BTN3A1: variants seen among roughly 807,000 people sequenced by gnomAD.
The protein encoded by BTN3A1 is dJ45P21.3 (butyrophilin, subfamily 3, member A1).
Under a neutral mutation model 43.0 loss-of-function variants are expected in BTN3A1, and 24 were observed. The ratio of observed to expected loss-of-function variants is 0.56; its 90% CI spans 0.40 to 0.78. The LOEUF (loss-of-function observed/expected upper bound fraction) is 0.78. BTN3A1 is among the 30% of genes least tolerant of loss of function. BTN3A1 has a pLI of 0.00. For missense variants in BTN3A1, 533 were observed against 626.2 expected, an observed-to-expected ratio of 0.85 and a Z score of 1.59; for synonymous variants, 181 against 234.7, an observed-to-expected ratio of 0.77 and a Z score of 2.09.
intron 7 of BTN3A1, among the ~76,000 whole-genome samples, chr6:26,410,541 G>A (rs1762173691): frequency 6.6e-6 from 1 of 152,050 alleles, no homozygotes; most frequent in South Asian, 2.1e-4. Flanking sequence ...GGAGAAAAGT[G>A]TGTCTAATAA....
At chr6:26,407,219 C>T (rs1045588038) in intron 3 of BTN3A1, among the ~76,000 whole-genome samples, 1 of 152,240 alleles carries the variant, frequency 6.6e-6, no homozygotes, top group Non-Finnish European at 1.5e-5. Context: ...TTTCTTAGTG[C>T]AATGCTTTTC....
rs931258859 is a variant in BTN3A1, at chr6:26,405,437, ATCT to A, written c.-121_-119del. On this transcript the variant is annotated 5_prime_UTR_variant, in exon 2 of 10. Coordinates refer to ENST00000289361, the MANE Select transcript of BTN3A1 (RefSeq NM_007048.6). ...GGACAGAATTTTTGGCAGAGGAAAG[ATCT>A]TCTTCGGTCACCATACTTGAGTTAG... 47 of 876,270 alleles carry A rather than the reference ATCT, an allele frequency of 5.4e-5. No homozygotes were observed. Among genetic ancestry groups the A allele is most frequent in the Non-Finnish European group, 8.2e-5 (45 of 548,782 alleles). 54.3% of individuals were successfully genotyped at this position (876,270 alleles called of 1,614,324 possible).
At chr6:26,412,048 G>C (rs1183775108) in intron 9 of BTN3A1, 1 of 223,324 alleles carries the variant, frequency 4.5e-6, no homozygotes, top group African/African-American at 2.3e-5. Context: ...CTGTGTTTGT[G>C]GGGGTTGAGG....
Position 26,413,635 on chromosome 6 carries a change from T to A in BTN3A1, c.1485T>A (p.Tyr495Ter). 6.2e-7 allele frequency: 1 copy of A among 1,614,028 alleles called. No homozygotes were observed. ...FLDVSFSEAL[Y>*]PVFRILTLEP... is the part of the protein sequence containing the mutation. Reference sequence around the variant, plus strand: ...ACGTCTCCTTCTCTGAGGCTCTATATCCTGTTTTCAGAATTTTGACCTTGG... The same window carrying A: ...ACGTCTCCTTCTCTGAGGCTCTATAACCTGTTTTCAGAATTTTGACCTTGG... Residue 495 changes from tyrosine (Y) to a stop codon, truncating the protein, a stop_gained, in exon 10 of 10, where the codon TAT (tyrosine) becomes TAA (stop). Coordinates refer to ENST00000289361, the MANE Select transcript of BTN3A1 (RefSeq NM_007048.6). LOFTEE classifies it low-confidence loss of function (END_TRUNC).
intron 8 of BTN3A1, among the ~76,000 whole-genome samples, 196 bp from the exon 9 acceptor site, chr6:26,411,359 T>G (rs1762210980): frequency 6.6e-6 from 1 of 152,116 alleles, no homozygotes; most frequent in Non-Finnish European, 1.5e-5. Context: ...GCCTGTACCC[T>G]TCATTGCAGA....
At chr6:26,409,856 C>A in intron 5 of BTN3A1, 38 bp from the exon 6 acceptor site, 1 of 1,614,112 alleles carries the variant, frequency 6.2e-7, no homozygotes, top group Admixed American at 1.7e-5. Context: ...AACCCCCTCA[C>A]CTGTAACAGT....
At chr6:26,408,212 C>A (rs1274162152) in intron 4 of BTN3A1, among the ~76,000 whole-genome samples, 2 of 151,682 alleles carry the variant, frequency 1.3e-5, no homozygotes, top group African/African-American at 4.9e-5. Flanking sequence ...AGATAAGCTG[C>A]GTATGTAAAG....
chr6:26,409,083 C>T (rs1762115095), intron 4 of BTN3A1, among the ~76,000 whole-genome samples: 1 of 141,900 alleles, frequency 7.0e-6, no homozygotes, highest in Admixed American at 7.6e-5. Context: ...AAGGAGCCAG[C>T]ATTGACACCC....
rs761149612 is a variant in BTN3A1 at position 26,413,239 on chromosome 6, G to A, written c.1089G>A (p.Gln363=). 1.2e-6 allele frequency: 2 copies of A among 1,614,198 alleles called. No individual in the cohort carries two copies. The highest frequency in any genetic ancestry group is 2.2e-5 in the East Asian group (1 of 44,886). The part of the protein sequence containing the change: ...LLVSEDQRSV[Q]RAKEPQDLPD... ...TTTCTGAGGACCAGAGGAGTGTGCA[G>A]CGTGCCAAGGAGCCCCAGGATCTGC... Residue 363 remains glutamine (Q), a synonymous_variant, in exon 10 of 10, where the codon CAG becomes CAA. Coordinates refer to ENST00000289361, the MANE Select transcript of BTN3A1 (RefSeq NM_007048.6).
rs769191942 is a variant in BTN3A1 at position 26,405,654 on chromosome 6, G to A, written c.85+6G>A. 1 of 1,613,820 alleles carries A rather than the reference G, an allele frequency of 6.2e-7. No individual in the cohort carries two copies. Reference sequence around the variant, plus strand: ...GCTGCTCATGCCTCACTCAGGTAGGGAACAATTCCACGCTTGTTTCTGAAG... The same window carrying A: ...GCTGCTCATGCCTCACTCAGGTAGGAAACAATTCCACGCTTGTTTCTGAAG... On this transcript the variant is annotated splice_donor_region_variant and intron_variant, in intron 2 of 9. Coordinates refer to ENST00000289361, the MANE Select transcript of BTN3A1 (RefSeq NM_007048.6).
chr6:26,406,838 G>T (rs756268688), intron 3 of BTN3A1, among the ~76,000 whole-genome samples: 9 of 152,210 alleles, frequency 5.9e-5, no homozygotes, highest in Admixed American at 2.6e-4. Context: ...TGGGAGGAGG[G>T]TTTATAGACT....
At position 26,413,868 on chromosome 6, in the gene BTN3A1, C is replaced by A; in HGVS notation, c.*176C>A. ...CCCCCTCCACAGCAACCAATCACAACCATAAAGCTACAAGCACGCACTGAA... is the reference window on the plus strand; with the variant it reads ...CCCCCTCCACAGCAACCAATCACAAACATAAAGCTACAAGCACGCACTGAA... On this transcript the variant is annotated 3_prime_UTR_variant, in exon 10 of 10. Transcript: ENST00000289361. 2 of 1,240,614 alleles carry A rather than the reference C, an allele frequency of 1.6e-6. No homozygotes were observed. Among genetic ancestry groups the A allele is most frequent in the Non-Finnish European group, 2.3e-6 (2 of 878,120 alleles). 76.9% of individuals were successfully genotyped at this position (1,240,614 alleles called of 1,614,324 possible). A position where few individuals can be genotyped will look rare whatever the true frequency, so the allele number is the denominator to read the frequency against.
chr6:26,412,833 G>A (rs1762265361), intron 9 of BTN3A1: 14 of 1,545,890 alleles, frequency 9.1e-6, no homozygotes, highest in Non-Finnish European at 1.7e-6. Context: ...TAACCTCTGA[G>A]TATAAAGCAT....
In BTN3A1 at chr6:26,405,936, G is replaced by T; in HGVS notation, c.113G>T (p.Gly38Val). The T allele has an allele frequency of 6.2e-7, 1 of 1,613,478 alleles. No individual in the cohort carries two copies. ...SAQFSVLGPS[G>V]PILAMVGEDA... ...CAGTTTTCTGTGCTTGGACCCTCTG[G>T]GCCCATCCTGGCCATGGTGGGTGAA... The change falls in exon 3 of 10, where the codon GGG becomes GTG. Residue 38 changes from glycine to valine, a missense_variant. Transcript: ENST00000289361.
intron 1 of BTN3A1, among the ~76,000 whole-genome samples, chr6:26,404,735 G>A (rs1380769624): frequency 6.6e-6 from 1 of 152,172 alleles, no homozygotes; most frequent in Non-Finnish European, 1.5e-5. Flanking sequence ...TGCTCGACTT[G>A]ACATCAGGAA....
Position 26,413,735 on chromosome 6 carries a change from A to G in BTN3A1, c.*43A>G. 1 of 1,608,342 alleles carries G rather than the reference A, an allele frequency of 6.2e-7. No homozygotes were observed. The highest frequency in any genetic ancestry group is 8.5e-7 in the Non-Finnish European group (1 of 1,179,822). ...CTCCAATTCTGACCGAGTGCTGATC[A>G]TTCCCTAGAGACACCAGTAACCCCG... is the stretch of plus-strand genomic sequence containing the variant. On this transcript the variant is annotated 3_prime_UTR_variant, in exon 10 of 10. Coordinates refer to ENST00000289361, the MANE Select transcript of BTN3A1 (RefSeq NM_007048.6).
chr6:26,408,091 G>A, intron 4 of BTN3A1, 139 bp downstream of exon 4: 1 of 1,345,132 alleles, frequency 7.4e-7, no homozygotes. Context: ...GCTCCTCCTT[G>A]CACCGGGGGA....
rs994428196 is a variant in BTN3A1, at chr6:26,414,488, A to C, written c.*796A>C. 1.3e-5 allele frequency: 2 copies of C among 152,274 alleles called. No individual in the cohort carries two copies. The highest frequency in any genetic ancestry group is 4.8e-5 in the African/African-American group (2 of 41,432). The allele number at this position is 152,274 out of a possible 1,614,324, so 9.4% of individuals were successfully genotyped here. A position where few individuals can be genotyped will look rare whatever the true frequency, so the allele number is the denominator to read the frequency against. ...GAGAGAATAACCTCACCGTACCCAC[A>C]TGACACGTGATTTGGAAAGAGACTA... On this transcript the variant is annotated 3_prime_UTR_variant, in exon 10 of 10. Transcript: ENST00000289361.
In BTN3A1 at chr6:26,413,482, A is replaced by C; in HGVS notation, c.1332A>C (p.Leu444=). 2 of 1,614,128 alleles carry C rather than the reference A, an allele frequency of 1.2e-6. No individual in the cohort carries two copies. The highest frequency in any genetic ancestry group is 1.1e-5 in the South Asian group (1 of 91,070). The change falls in exon 10 of 10, where the codon CTA becomes CTC. Residue 444 remains leucine (L), a synonymous_variant. Coordinates refer to ENST00000289361, the MANE Select transcript of BTN3A1 (RefSeq NM_007048.6). ...GLTDGNKYRT[L]TEPRTNLKLP... The stretch of plus-strand genomic sequence containing the variant: ...CTGATGGGAATAAGTATCGGACTCT[A>C]ACTGAGCCCAGAACCAACCTGAAAC...
Sources: gnomAD v4.1 joint callset for allele counts (sites outside exome capture counted in the v4.1 genomes callset) on GRCh38, gnomAD v4.1.1 for gene constraint, MANE v1.5 for transcripts, NCBI Gene and HGNC (gene_info 2026-07-23, HGNC 2026-07-21) for gene names.